Variants in KHDRBS1 observed in about 807,000 individuals in gnomAD.
KHDRBS1 encodes the protein KH RNA binding domain containing, signal transduction associated 1.
A neutral mutation model predicts 48.4 loss-of-function variants in KHDRBS1; 7 were observed. The observed-to-expected ratio is 0.14, with a 90% CI of 0.08 to 0.27. KHDRBS1 has a LOEUF of 0.27. Among genes scored for constraint, KHDRBS1 ranks in the 10% least tolerant of loss-of-function variants. The pLI, the probability that KHDRBS1 is intolerant of heterozygous loss-of-function variation, is 1.00. For missense variants in KHDRBS1, 458 were observed against 601.2 expected, an observed-to-expected ratio of 0.76 and a Z score of 2.49; for synonymous variants, 241 against 235.8, an observed-to-expected ratio of 1.02 and a Z score of -0.20.
intron 10 of KHDRBS1, among the ~76,000 whole-genome samples, chr1:32,049,701 G>A (rs1197357005): frequency 2.0e-5 from 3 of 148,430 alleles, no homozygotes; most frequent in Middle Eastern, 3.2e-3. Context: ...TCACTCTGTC[G>A]CCCAGGCTGG....
downstream of KHDRBS1, among the ~76,000 whole-genome samples, chr1:32,046,044 G>A (rs573378052): frequency 3.3e-5 from 5 of 152,306 alleles, no homozygotes; most frequent in African/African-American, 9.6e-5. Context: ...TTTTACAGAA[G>A]TAACTTAGAC....
Position 32,014,262 on chromosome 1 carries a change from C to G in KHDRBS1, c.267C>G (p.Pro89=), listed in dbSNP as rs551108017. 2 of 1,542,978 alleles carry G rather than the reference C, an allele frequency of 1.3e-6. No individual in the cohort carries two copies. Among genetic ancestry groups the G allele is most frequent in the African/African-American group, 2.8e-5 (2 of 72,116 alleles). The change falls in exon 1 of 9, where the codon CCC becomes CCG. Residue 89 remains proline (P), a synonymous_variant. Transcript: ENST00000327300. The part of the protein sequence containing the change: ...GGPAPTPLLP[P]SATASVKMEP... ...CAGCGCCGACCCCGCTGCTGCCCCC[C>G]TCGGCCACAGCCTCGGTCAAGATGG...
intron 1 of KHDRBS1, among the ~76,000 whole-genome samples, chr1:32,024,432 T>C (rs1638922447): frequency 6.6e-6 from 1 of 152,050 alleles, no homozygotes; most frequent in East Asian, 1.9e-4. Context: ...TGCCTCAGCC[T>C]CTCTAGTAAC....
In KHDRBS1 at chr1:32,038,068, G is replaced by C. The variant is rs1454398338; in HGVS notation, c.1107+32G>C. On this transcript the variant is annotated intron_variant, in intron 6 of 8. Transcript: ENST00000327300. ...AATTTGAACAATGTGCCATTTCCCA[G>C]TACCTAGAAGGCTGCTAAAGGAAGT... The C allele has an allele frequency of 1.9e-6, 3 of 1,610,040 alleles. No individual in the cohort carries two copies. In the South Asian group the frequency reaches 3.3e-5, roughly 18 times the overall value.
At chr1:32,055,640 A>G (rs1176734188) in intron 10 of KHDRBS1, among the ~76,000 whole-genome samples, 1 of 152,148 alleles carries the variant, frequency 6.6e-6, no homozygotes, top group African/African-American at 2.4e-5. Flanking sequence ...GAGAGGAGGA[A>G]GTGCACAACA....
Position 32,013,889 on chromosome 1 carries a change from C to G in KHDRBS1, c.-107C>G. On this transcript the variant is annotated 5_prime_UTR_variant, in exon 1 of 9. Transcript: ENST00000327300. The stretch of plus-strand genomic sequence containing the variant: ...CTCTCTCTCGCTGGGTCGCTCGGGT[C>G]GGCTTCGGTCGCTACCGCTCCCGCT... The G allele has an allele frequency of 9.1e-7, 1 of 1,099,018 alleles. No individual in the cohort carries two copies. The highest frequency in any genetic ancestry group is 1.2e-6 in the Non-Finnish European group (1 of 844,672). The allele number at this position is 1,099,018 out of a possible 1,614,324, so 68.1% of individuals were successfully genotyped here. A position where few individuals can be genotyped will look rare whatever the true frequency, so the allele number is the denominator to read the frequency against.
intron 8 of KHDRBS1, among the ~76,000 whole-genome samples, chr1:32,040,018 A>G (rs924015862): frequency 3.3e-5 from 5 of 152,136 alleles, no homozygotes; most frequent in African/African-American, 4.8e-5. Flanking sequence ...ATTAAAAAAA[A>G]AATTTAGATC....
At chr1:32,057,364 T>C (rs1192410249) in intron 10 of KHDRBS1, among the ~76,000 whole-genome samples, 3 of 152,100 alleles carry the variant, frequency 2.0e-5, no homozygotes, top group South Asian at 2.1e-4. Flanking sequence ...AGACAAGATC[T>C]CAATCTGTTG....
At chr1:32,053,284 G>A (rs1430310638) in intron 10 of KHDRBS1, among the ~76,000 whole-genome samples, 1 of 152,216 alleles carries the variant, frequency 6.6e-6, no homozygotes, top group Non-Finnish European at 1.5e-5. Flanking sequence ...GCCAGAGAAA[G>A]GTGATAGCAT....
Position 32,015,482 on chromosome 1 carries a change from T to C in KHDRBS1, c.382+1105T>C, listed in dbSNP as rs540167530. ...TATGAAAATATTATCTCCCTCCCTTTGTTCTCTGTCTCCCAACACTGTAAG... is the reference window on the plus strand; with the variant it reads ...TATGAAAATATTATCTCCCTCCCTTCGTTCTCTGTCTCCCAACACTGTAAG... On this transcript the variant is annotated intron_variant, in intron 1 of 8. Coordinates refer to ENST00000327300, the MANE Select transcript of KHDRBS1 (RefSeq NM_006559.3). Among the ~76,000 whole-genome samples the C allele has an allele frequency of 1.7e-4, 26 of 152,324 alleles. No individual in the cohort carries two copies. In the South Asian group the frequency reaches 5.2e-3, roughly 30 times the overall value.
intron 1 of KHDRBS1, among the ~76,000 whole-genome samples, chr1:32,027,075 G>A (rs1353098769): frequency 6.6e-6 from 1 of 151,986 alleles, no homozygotes; most frequent in African/African-American, 2.4e-5. Context: ...GATTACAGGC[G>A]TGAGCCAACG....
chr1:32,014,129 G>C lies in KHDRBS1; in HGVS notation c.134G>C (p.Arg45Pro). 7.3e-7 allele frequency: 1 copy of C among 1,366,468 alleles called. No individual in the cohort carries two copies. Among genetic ancestry groups the C allele is most frequent in the Non-Finnish European group, 9.4e-7 (1 of 1,060,964 alleles). 84.6% of individuals were successfully genotyped at this position (1,366,468 alleles called of 1,614,324 possible). A position where few individuals can be genotyped will look rare whatever the true frequency, so the allele number is the denominator to read the frequency against. Residue 45 changes from arginine (R) to proline (P), a missense_variant, in exon 1 of 9, where the codon CGG becomes CCG. Physicochemically the swap from Arg to Pro is moderately radical, Grantham distance 103. Transcript: ENST00000327300. ...CAGCCGCCGCTGCCTCACCGGTCCC[G>C]GGGAGGCGGAGGGGGATCCCGCGGG... ...SRQPPLPHRS[R>P]GGGGGSRGGA... is the part of the protein sequence containing the mutation.
At position 32,042,856 on chromosome 1, in the gene KHDRBS1, T is replaced by C. The variant is rs1223730650; in HGVS notation, c.*232T>C. The C allele has an allele frequency of 5.9e-6, 2 of 337,244 alleles. No individual in the cohort carries two copies. The highest frequency in any genetic ancestry group is 1.1e-5 in the Non-Finnish European group (2 of 184,866). The allele number at this position is 337,244 out of a possible 1,614,324, so 20.9% of individuals were successfully genotyped here. ...ATTTAGGAATATTGAATTAATTTTT[T>C]AAGTGTGTAGATGCTTTTTTCTTTG... is the stretch of plus-strand genomic sequence containing the variant. On this transcript the variant is annotated 3_prime_UTR_variant, in exon 9 of 9. Transcript: ENST00000327300.
At chr1:32,039,775 G>A (rs1639249044) in intron 8 of KHDRBS1, among the ~76,000 whole-genome samples, 1 of 152,188 alleles carries the variant, frequency 6.6e-6, no homozygotes, top group South Asian at 2.1e-4. Flanking sequence ...CTAAAGTGAG[G>A]TGGGGTATCG....
chr1:32,025,659 TTCCCTC>T (rs1197605715), intron 1 of KHDRBS1, among the ~76,000 whole-genome samples: 5 of 144,892 alleles, frequency 3.5e-5, no homozygotes, highest in African/African-American at 1.3e-4. Flanking sequence ...CTTCCTTTTC[TTCCCTC>T]TCCCTCTCCC....
rs543036008 is a variant in KHDRBS1, at chr1:32,019,825, G to T, written c.382+5448G>T. On this transcript the variant is annotated intron_variant, in intron 1 of 8. Coordinates refer to ENST00000327300, the MANE Select transcript of KHDRBS1 (RefSeq NM_006559.3). Reference sequence around the variant, plus strand: ...CTCGCTCTGTCGCTCACGCTGGAGTGCAGTGGCGCGATCTTGGCTGACTGC... The same window carrying T: ...CTCGCTCTGTCGCTCACGCTGGAGTTCAGTGGCGCGATCTTGGCTGACTGC... Among the ~76,000 whole-genome samples the T allele has an allele frequency of 2.6e-4, 39 of 152,230 alleles. No homozygotes were observed. The South Asian group carries it at 7.9e-3, about 31-fold the overall frequency.
At chr1:32,058,116 C>CAAA (rs201930047) in intron 10 of KHDRBS1, among the ~76,000 whole-genome samples, 2 of 132,500 alleles carry the variant, frequency 1.5e-5, no homozygotes, top group African/African-American at 5.6e-5. Flanking sequence ...GAAACTGTCT[C>CAAA]AAAAAAAAAA....
chr1:32,060,114 A>G (rs1258436996), intron 10 of KHDRBS1: 1 of 152,216 alleles, frequency 6.6e-6, no homozygotes, highest in Non-Finnish European at 1.5e-5. Flanking sequence ...GAGGCTGGGA[A>G]GCCCCCTAAT....
At chr1:32,030,209 C>T (rs776260202) in intron 1 of KHDRBS1, 89 bp from the exon 2 acceptor site, 13 of 1,064,146 alleles carry the variant, frequency 1.2e-5, no homozygotes, top group Non-Finnish European at 1.6e-5. Flanking sequence ...TTTGGTTTCA[C>T]TATATGGTAT....
Sources: gnomAD v4.1 joint callset for allele counts (sites outside exome capture counted in the v4.1 genomes callset) on GRCh38, gnomAD v4.1.1 for gene constraint, MANE v1.5 for transcripts, NCBI Gene and HGNC (gene_info 2026-07-23, HGNC 2026-07-21) for gene names.